The following HMCN1 variants were observed in gnomAD, a reference collection of about 807,000 sequenced individuals.
HMCN1 encodes hemicentin-1.
In HMCN1, 321 loss-of-function variants were observed where a neutral mutation model predicts 625.9. The observed-to-expected ratio is 0.51, with a 90% confidence interval of 0.47 to 0.56. The LOEUF (loss-of-function observed/expected upper bound fraction) is 0.56, where lower values mean the gene tolerates loss of function less well. Among genes scored for constraint, HMCN1 ranks in the 20% least tolerant of loss-of-function variants. HMCN1 has a pLI of 0.00. For missense variants in HMCN1, 6,588 were observed against 6,887.3 expected, an observed-to-expected ratio of 0.96 and a Z score of 1.54; for synonymous variants, 2,425 against 2,417.6, an observed-to-expected ratio of 1.00 and a Z score of -0.09.
chr1:186,049,466 A>C (rs1308274694), intron 42 of HMCN1, among the ~76,000 whole-genome samples: 1 of 151,976 alleles, frequency 6.6e-6, no homozygotes, highest in Non-Finnish European at 1.5e-5. Context: ...TGGGATTACT[A>C]TAATAACCAG....
intron 104 of HMCN1, among the ~76,000 whole-genome samples, chr1:186,181,718 G>C (rs1652946129): frequency 6.6e-6 from 1 of 152,132 alleles, no homozygotes; most frequent in Non-Finnish European, 1.5e-5. Flanking sequence ...GAGAGAGAAA[G>C]AGAGCCAAAG....
chr1:185,943,184 C>T (rs1178189356), intron 11 of HMCN1, among the ~76,000 whole-genome samples: 4 of 152,058 alleles, frequency 2.6e-5, no homozygotes, highest in Non-Finnish European at 5.9e-5. Flanking sequence ...TCCTGCGCTC[C>T]GAGAGCTACT....
intron 1 of HMCN1, among the ~76,000 whole-genome samples, chr1:185,755,018 C>T (rs1220418781): frequency 6.6e-6 from 1 of 152,136 alleles, no homozygotes; most frequent in Non-Finnish European, 1.5e-5. Flanking sequence ...AGTACCTTCT[C>T]ATAGAGTTGT....
chr1:185,832,325 T>C (rs760152949), intron 1 of HMCN1, among the ~76,000 whole-genome samples: 119 of 151,878 alleles, frequency 7.8e-4, no homozygotes, highest in Non-Finnish European at 1.4e-3. Context: ...AAAGTTGATA[T>C]GGAAAAATAA....
chr1:185,841,924 C>G (rs1184658943), intron 1 of HMCN1, among the ~76,000 whole-genome samples: 1 of 152,116 alleles, frequency 6.6e-6, no homozygotes, highest in Non-Finnish European at 1.5e-5. Flanking sequence ...CTTTTTGGTA[C>G]AAGATGTGAA....
chr1:185,953,609 C>T (rs1649397950), intron 11 of HMCN1, among the ~76,000 whole-genome samples: 1 of 151,720 alleles, frequency 6.6e-6, no homozygotes, highest in African/African-American at 2.4e-5. Flanking sequence ...AAAAAGAGGC[C>T]ACTTACTGGA....
chr1:185,886,966 CA>C (rs1289502711), intron 4 of HMCN1, among the ~76,000 whole-genome samples: 4 of 152,118 alleles, frequency 2.6e-5, no homozygotes, highest in African/African-American at 9.7e-5. Flanking sequence ...CTCCATTCCC[CA>C]CTCTAATTAG....
intron 52 of HMCN1, among the ~76,000 whole-genome samples, chr1:186,073,766 T>G (rs1658617749): frequency 6.6e-6 from 1 of 151,054 alleles, no homozygotes; most frequent in Admixed American, 6.6e-5. Context: ...GCAAGGTCAA[T>G]GGATTGTGGG....
intron 2 of HMCN1, among the ~76,000 whole-genome samples, chr1:185,860,590 A>G (rs1662808678): frequency 6.6e-6 from 1 of 152,174 alleles, no homozygotes; most frequent in African/African-American, 2.4e-5. Flanking sequence ...GACAACAGGC[A>G]TGCGCTACCA....
chr1:186,151,880 C>T, intron 95 of HMCN1, 137 bp downstream of exon 95: 1 of 865,540 alleles, frequency 1.2e-6, no homozygotes, highest in Non-Finnish European at 1.8e-6. Context: ...AAAGCAATTT[C>T]ATGTTTTCCT....
intron 15 of HMCN1, among the ~76,000 whole-genome samples, chr1:185,977,016 A>G (rs777437753): frequency 1.3e-5 from 2 of 151,842 alleles, no homozygotes; most frequent in Non-Finnish European, 2.9e-5. Context: ...CAGGATTCCT[A>G]TGTTTTCCAA....
At chr1:186,016,283 A>C in intron 32 of HMCN1, 44 bp downstream of exon 32, 1 of 1,560,634 alleles carries the variant, frequency 6.4e-7, no homozygotes, top group Non-Finnish European at 8.8e-7. Flanking sequence ...TTCATAGCAA[A>C]ACCTGATTAG....
rs542490368 is a variant in HMCN1, at chr1:186,101,164, GAA to G, written c.10574-2299_10574-2298del. Reference sequence around the variant, plus strand: ...TTGGGTAGGCACCTACAACTAGGAAGAAAAAAAAAACATTAAGTAAATGGTAT... The same window carrying G: ...TTGGGTAGGCACCTACAACTAGGAAGAAAAAAAACATTAAGTAAATGGTAT... On this transcript the variant is annotated intron_variant, in intron 68 of 106. Transcript: ENST00000271588. Among the ~76,000 whole-genome samples, 766 of 147,824 alleles carry G rather than the reference GAA, an allele frequency of 5.2e-3. 5 individuals carry two copies. Among genetic ancestry groups the G allele is most frequent in the African/African-American group, 0.017 (703 of 40,418 alleles).
Position 185,987,439 on chromosome 1 carries a change from A to T in HMCN1, c.2943A>T (p.Pro981=), listed in dbSNP as rs1313433511. 1 of 1,609,192 alleles carries T rather than the reference A, an allele frequency of 6.2e-7. No homozygotes were observed. Among genetic ancestry groups the T allele is most frequent in the Non-Finnish European group, 8.5e-7 (1 of 1,175,606 alleles). Reference sequence around the variant, plus strand: ...TCCTACTTACCTTTTCAGTTCTGCCAACCATTCAGCATGGGCAGCAGATAC... The same window carrying T: ...TCCTACTTACCTTTTCAGTTCTGCCTACCATTCAGCATGGGCAGCAGATAC... ...KTTSVVVHVL[P]TIQHGQQILS... is the part of the protein sequence containing the mutation. Residue 981 remains proline, a synonymous_variant, in exon 20 of 107, where the codon CCA becomes CCT. Transcript: ENST00000271588.
intron 2 of HMCN1, among the ~76,000 whole-genome samples, chr1:185,864,089 A>T (rs906821986): frequency 6.6e-6 from 1 of 152,210 alleles, no homozygotes; most frequent in Non-Finnish European, 1.5e-5. Context: ...GTGGGAGCTT[A>T]TGAACATTCT....
intron 11 of HMCN1, among the ~76,000 whole-genome samples, chr1:185,939,305 C>T (rs886518125): frequency 7.9e-5 from 12 of 152,050 alleles, no homozygotes; most frequent in Non-Finnish European, 1.6e-4. Flanking sequence ...TTCCTTACCA[C>T]GAGGATAATG....
chr1:185,819,370 C>T (rs1660048361), intron 1 of HMCN1, among the ~76,000 whole-genome samples: 1 of 152,026 alleles, frequency 6.6e-6, no homozygotes, highest in African/African-American at 2.4e-5. Flanking sequence ...TTAAGTTTAC[C>T]AACCAAAATA....
chr1:185,981,976 A>G (rs1651670942), intron 17 of HMCN1, among the ~76,000 whole-genome samples: 1 of 152,188 alleles, frequency 6.6e-6, no homozygotes, highest in African/African-American at 2.4e-5. Flanking sequence ...TACTGAATAC[A>G]TTGCAAATAT....
At chr1:186,082,844 A>G (rs757208934) in intron 56 of HMCN1, 21 bp from the exon 57 acceptor site, 3 of 1,451,134 alleles carry the variant, frequency 2.1e-6, no homozygotes, top group Non-Finnish European at 1.9e-6. Context: ...TTTATTTGGA[A>G]TTTCTTCATT....
Sources: gnomAD v4.1 joint callset for allele counts (sites outside exome capture counted in the v4.1 genomes callset) on GRCh38, gnomAD v4.1.1 for gene constraint, MANE v1.5 for transcripts, NCBI Gene and HGNC (gene_info 2026-07-23, HGNC 2026-07-21) for gene names.